DSTN: variants seen among roughly 807,000 people sequenced by gnomAD.
DSTN encodes the protein destrin, actin depolymerizing factor, also known as destrin.
DSTN carries 10 observed loss-of-function variants against 16.8 expected under a neutral mutation model. The observed-to-expected ratio is 0.60, with a 90% CI of 0.37 to 1.01. The LOEUF is 1.01. Among genes scored for constraint, DSTN ranks in the 50% least tolerant of loss-of-function variants. The pLI is 0.01. For missense variants in DSTN, 141 were observed against 196.7 expected (o/e 0.72, Z 1.69); for synonymous variants, 57 against 58.9 (o/e 0.97, Z 0.14).
chr20:17,580,074 G>A (rs1004307117), intron 1 of DSTN, among the ~76,000 whole-genome samples: 2 of 152,204 alleles, frequency 1.3e-5, no homozygotes, highest in Non-Finnish European at 2.9e-5. Context: ...TTGGAGGAGT[G>A]CATTAGAATG....
At chr20:17,597,147 G>A (rs2035535142) in intron 1 of DSTN, among the ~76,000 whole-genome samples, 1 of 152,156 alleles carries the variant, frequency 6.6e-6, no homozygotes, top group African/African-American at 2.4e-5. Flanking sequence ...CATAAGATAC[G>A]TTGTAAAGAT....
Position 17,603,910 on chromosome 20 carries a change from G to C in DSTN, c.312-645G>C, listed in dbSNP as rs528043506. On this transcript the variant is annotated intron_variant, in intron 2 of 3. Transcript: ENST00000246069. Reference sequence around the variant, plus strand: ...TTGTTATGTTAGACTAAGAAAACAAGTACCTGTGGGATCAAAACCTGCTAT... The same window carrying C: ...TTGTTATGTTAGACTAAGAAAACAACTACCTGTGGGATCAAAACCTGCTAT... Among the ~76,000 whole-genome samples, 7 of 152,298 alleles carry C rather than the reference G, an allele frequency of 4.6e-5. No homozygotes were observed. In the East Asian group the frequency reaches 1.3e-3, roughly 29 times the overall value.
intron 1 of DSTN, among the ~76,000 whole-genome samples, chr20:17,579,981 G>A (rs1306705986): frequency 1.3e-5 from 2 of 152,152 alleles, no homozygotes; most frequent in Admixed American, 6.5e-5. Flanking sequence ...TCAAAGTTTT[G>A]TTCATCTTTA....
chr20:17,589,854 AAATATTT>A (rs1161815744), intron 1 of DSTN, among the ~76,000 whole-genome samples: 1 of 152,230 alleles, frequency 6.6e-6, no homozygotes, highest in Non-Finnish European at 1.5e-5. Flanking sequence ...TCCTACATTC[AAATATTT>A]CAGACTTTAC....
intron 1 of DSTN, among the ~76,000 whole-genome samples, chr20:17,579,755 C>T (rs188860986): frequency 6.6e-6 from 1 of 152,310 alleles, no homozygotes; most frequent in Admixed American, 6.5e-5. Context: ...GGATTCCTGC[C>T]TGACTAATCA....
intron 1 of DSTN, among the ~76,000 whole-genome samples, chr20:17,571,286 T>G (rs898981455): frequency 1.3e-5 from 2 of 152,252 alleles, no homozygotes; most frequent in African/African-American, 4.8e-5. Context: ...TGTAATTGCA[T>G]CTGTCTAGAA....
Position 17,607,051 on chromosome 20 carries a change from T to C in DSTN, c.403T>C (p.Cys135Arg). ...TTTCTCTCTAGGCATAAAACATGAA[T>C]GTCAAGCAAATGGACCAGAAGATCT... The part of the protein sequence containing the change: ...KKKFQGIKHE[C>R]QANGPEDLNR... Residue 135 changes from cysteine (C) to arginine (R), a missense_variant, in exon 4 of 4, where the codon TGT becomes CGT. Cys to Arg is a radical substitution (Grantham distance 180, BLOSUM62 -3). Coordinates refer to ENST00000246069, the MANE Select transcript of DSTN (RefSeq NM_006870.4). 6.2e-7 allele frequency: 1 copy of C among 1,613,932 alleles called. No individual in the cohort carries two copies. Among genetic ancestry groups the C allele is most frequent in the Non-Finnish European group, 8.5e-7 (1 of 1,179,968 alleles).
chr20:17,590,165 C>T (rs2035454516), intron 1 of DSTN, among the ~76,000 whole-genome samples: 1 of 152,148 alleles, frequency 6.6e-6, no homozygotes, highest in South Asian at 2.1e-4. Context: ...GGTTACTATC[C>T]TTATGCTAGA....
At chr20:17,583,805 T>G (rs1432959691) in intron 1 of DSTN, among the ~76,000 whole-genome samples, 2 of 133,874 alleles carry the variant, frequency 1.5e-5, no homozygotes, top group African/African-American at 2.7e-5. Flanking sequence ...GGCATGAGCA[T>G]AGCTCACTGC....
intron 1 of DSTN, among the ~76,000 whole-genome samples, chr20:17,573,137 A>G (rs563566554): frequency 6.6e-6 from 1 of 152,372 alleles, no homozygotes; most frequent in Non-Finnish European, 1.5e-5. Flanking sequence ...TTCTGAGAAC[A>G]CAGAGCTCAG....
In DSTN at chr20:17,608,669, TAAA is replaced by T. The variant is rs1282635226; in HGVS notation, c.*1525_*1527del. 6.6e-6 allele frequency: 1 copy of T among 151,488 alleles called. No homozygotes were observed. Among genetic ancestry groups the T allele is most frequent in the Non-Finnish European group, 1.5e-5 (1 of 67,958 alleles). The allele number at this position is 151,488 out of a possible 1,614,324, so 9.4% of individuals were successfully genotyped here. A position where few individuals can be genotyped will look rare whatever the true frequency, so the allele number is the denominator to read the frequency against. On this transcript the variant is annotated 3_prime_UTR_variant, in exon 4 of 4. Transcript: ENST00000246069. Reference sequence around the variant, plus strand: ...CCTCTGGTGAATAAGAAAGTTGGTGTAAAAGTTGGGAACGTTTTCAATGTTTAT... The same window carrying T: ...CCTCTGGTGAATAAGAAAGTTGGTGTAGTTGGGAACGTTTTCAATGTTTAT...
intron 2 of DSTN, among the ~76,000 whole-genome samples, chr20:17,603,167 A>G (rs114662017): frequency 2.0e-5 from 3 of 152,302 alleles, no homozygotes; most frequent in Admixed American, 6.5e-5. Context: ...CAAGAATGGA[A>G]TCTCTGCTCA....
At chr20:17,570,782 C>T (rs2236249) in intron 1 of DSTN, among the ~76,000 whole-genome samples, 57,098 of 152,150 alleles carry the variant, frequency 0.38, 11,912 homozygotes, top group East Asian at 0.64. Context: ...TGATTTAGAA[C>T]GGGGTGGCCT....
At chr20:17,572,911 T>A (rs1286098764) in intron 1 of DSTN, among the ~76,000 whole-genome samples, 1 of 152,212 alleles carries the variant, frequency 6.6e-6, no homozygotes, top group Non-Finnish European at 1.5e-5. Flanking sequence ...ATATGCATCA[T>A]CTTCCTCATC....
At chr20:17,584,656 A>C (rs2035386847) in intron 1 of DSTN, among the ~76,000 whole-genome samples, 2 of 151,672 alleles carry the variant, frequency 1.3e-5, no homozygotes, top group African/African-American at 4.8e-5. Context: ...CCGTCTCAAA[A>C]AAAAAAAAAA....
intron 3 of DSTN, 136 bp from the exon 4 acceptor site, chr20:17,606,901 A>T: frequency 3.0e-6 from 2 of 669,438 alleles, no homozygotes; most frequent in Non-Finnish European, 2.5e-6. Context: ...TTTTCTCGTT[A>T]CTGTGTAGTA....
intron 1 of DSTN, among the ~76,000 whole-genome samples, chr20:17,586,036 T>G (rs2035404258): frequency 1.3e-5 from 2 of 152,260 alleles, no homozygotes; most frequent in Middle Eastern, 3.4e-3. Context: ...GAAAGCTTCC[T>G]TATGCTGAGA....
At chr20:17,578,788 C>G (rs1331892509) in intron 1 of DSTN, among the ~76,000 whole-genome samples, 1 of 151,892 alleles carries the variant, frequency 6.6e-6, no homozygotes, top group Admixed American at 6.6e-5. Flanking sequence ...TGCTGAAACC[C>G]CCTCCTCTGC....
intron 1 of DSTN, among the ~76,000 whole-genome samples, chr20:17,576,961 C>T (rs527297914): frequency 6.6e-6 from 1 of 152,172 alleles, no homozygotes; most frequent in Non-Finnish European, 1.5e-5. Context: ...TCTCTAAAAT[C>T]CCAAACTTTT....
Sources: allele counts gnomAD v4.1 joint callset (sites outside exome capture counted in the v4.1 genomes callset), GRCh38; gene constraint gnomAD v4.1.1; transcripts MANE v1.5; gene names NCBI Gene and HGNC (gene_info 2026-07-23, HGNC 2026-07-21).